Variants in KIF13A observed in about 807,000 individuals in gnomAD.
KIF13A encodes kinesin family member 13A.
KIF13A carries 79 observed loss-of-function variants against 212.2 expected under a neutral mutation model. That is an observed-to-expected ratio of 0.37 (90% CI 0.31 to 0.45). The LOEUF is 0.45. Among genes scored for constraint, KIF13A ranks in the 20% least tolerant of loss-of-function variants. KIF13A has a pLI of 1.00. For missense variants in KIF13A, 1,901 were observed against 2,209.0 expected (o/e 0.86, Z 2.79); for synonymous variants, 789 against 808.6 (o/e 0.98, Z 0.41).
At chr6:17,859,632 A>ATTTTTTTTTTTTT in intron 4 of KIF13A, among the ~76,000 whole-genome samples, 1 of 102,352 alleles carries the variant, frequency 9.8e-6, no homozygotes, top group Non-Finnish European at 1.9e-5. Context: ...ATATATATAT[A>ATTTTTTTTTTTTT]TATATATTTT....
intron 2 of KIF13A, among the ~76,000 whole-genome samples, chr6:17,979,282 G>A (rs1561833774): frequency 6.6e-6 from 1 of 152,026 alleles, no homozygotes; most frequent in East Asian, 1.9e-4. Flanking sequence ...GACAGAACGA[G>A]ACTCCATCTA....
rs1177509455 is a variant in KIF13A at position 17,982,460 on chromosome 6, T to TA, written c.146+4593dup. 5.1e-6 allele frequency: 5 copies of TA among 982,480 alleles called. No homozygotes were observed. Among genetic ancestry groups the TA allele is most frequent in the East Asian group, 1.1e-4 (1 of 8,794 alleles). The allele number at this position is 982,480 out of a possible 1,614,324, so 60.9% of individuals were successfully genotyped here. ...ACAGGGATACCGCTGGTGAATAAAC[T>TA]AAAAAATACATACAAAGTTTAGTAA... On this transcript the variant is annotated intron_variant, in intron 2 of 38. Coordinates refer to ENST00000259711, the MANE Select transcript of KIF13A (RefSeq NM_022113.6). The surrounding 1 kb of genome is among the most constrained non-coding windows in gnomAD (Gnocchi z 5.1).
At position 17,833,949 on chromosome 6, in the gene KIF13A, T is replaced by G. The variant is rs761085467; in HGVS notation, c.1266+12A>C. 5 of 1,424,348 alleles carry G rather than the reference T, an allele frequency of 3.5e-6. No individual in the cohort carries two copies. Among genetic ancestry groups the G allele is most frequent in the Non-Finnish European group, 4.8e-6 (5 of 1,043,800 alleles). 88.2% of individuals were successfully genotyped at this position (1,424,348 alleles called of 1,614,324 possible). On this transcript the variant is annotated intron_variant, in intron 12 of 38. Transcript: ENST00000259711. ...AGAATCCCAATATTTTAGGGCTAAA[T>G]TATCAAGCTACCTGTGCTATCTCTT...
intron 2 of KIF13A, among the ~76,000 whole-genome samples, chr6:17,964,935 G>A (rs189954818): frequency 5.9e-5 from 9 of 151,942 alleles, no homozygotes; most frequent in South Asian, 2.1e-4. Context: ...CGATTCTCCC[G>A]CCTCAGCCTC....
chr6:17,985,293 T>C (rs1003554669), intron 2 of KIF13A, among the ~76,000 whole-genome samples: 1 of 152,162 alleles, frequency 6.6e-6, no homozygotes, highest in Non-Finnish European at 1.5e-5. Flanking sequence ...TTCAAATCTT[T>C]ACCTAAAAGA....
chr6:17,901,748 C>G (rs1284783912), intron 2 of KIF13A, among the ~76,000 whole-genome samples: 1 of 152,152 alleles, frequency 6.6e-6, no homozygotes, highest in African/African-American at 2.4e-5. Context: ...GTGCCAAATT[C>G]ATCTTTTAAC....
intron 12 of KIF13A, among the ~76,000 whole-genome samples, chr6:17,831,958 C>G (rs960412182): frequency 5.9e-5 from 9 of 151,902 alleles, no homozygotes; most frequent in African/African-American, 2.2e-4. Flanking sequence ...TGGGAGGAGA[C>G]AGGCCATAAG....
chr6:17,968,896 C>T lies in KIF13A; in HGVS notation c.146+18158G>A, dbSNP rs978379288. On this transcript the variant is annotated intron_variant, in intron 2 of 38. Coordinates refer to ENST00000259711, the MANE Select transcript of KIF13A (RefSeq NM_022113.6). This position sits in a 1 kb window ranked among gnomAD's most constrained non-coding sequence, Gnocchi z 4.7. ...CCACCAGTGATGTGACAGACACAAC[C>T]TGAGGACTTTCTACCCACAGACTCA... is the stretch of plus-strand genomic sequence containing the variant. 2.6e-5 allele frequency among the ~76,000 whole-genome samples: 4 copies of T among 152,196 alleles called. No homozygotes were observed. Among genetic ancestry groups the T allele is most frequent in the South Asian group, 2.1e-4 (1 of 4,836 alleles).
chr6:17,805,483 C>T lies in KIF13A; in HGVS notation c.2296G>A (p.Val766Ile), dbSNP rs761661761. 4 of 1,613,110 alleles carry T rather than the reference C, an allele frequency of 2.5e-6. No homozygotes were observed. The South Asian group carries it at 3.3e-5, about 13-fold the overall frequency. ...CATTTTGTCTCTTTTACCTCAGGAA[C>T]TTTTTCCTTCCATTCTTGGTAAAGG... The part of the protein sequence containing the change: ...RDLYQEWKEK[V>I]PEAKRLYGKR... The change falls in exon 19 of 39, where the codon GTT becomes ATT. Residue 766 changes from valine (V) to isoleucine (I), a missense_variant. Coordinates refer to ENST00000259711, the MANE Select transcript of KIF13A (RefSeq NM_022113.6).
intron 16 of KIF13A, among the ~76,000 whole-genome samples, chr6:17,824,780 AC>A (rs763940587): frequency 0.046 from 3,867 of 83,264 alleles, 397 homozygotes; most frequent in African/African-American, 0.11. Flanking sequence ...AAAAAAAAAA[AC>A]AAAACACCAA....
intron 28 of KIF13A, among the ~76,000 whole-genome samples, chr6:17,784,538 A>C (rs1760884214): frequency 6.6e-6 from 1 of 152,212 alleles, no homozygotes; most frequent in African/African-American, 2.4e-5. Context: ...AAAAATAAAA[A>C]AAGAAGAGTC....
At position 17,764,561 on chromosome 6, in the gene KIF13A, T is replaced by A. The variant is rs1758773996; in HGVS notation, c.4967A>T (p.Glu1656Val). 4 of 1,613,982 alleles carry A rather than the reference T, an allele frequency of 2.5e-6. No homozygotes were observed. The South Asian group carries it at 3.3e-5, about 13-fold the overall frequency. The change falls in exon 39 of 39, where the codon GAA (glutamate) becomes GTA (valine). Residue 1656 changes from glutamate to valine, a missense_variant. This residue lies in a region of KIF13A where 687 missense variants were observed against 759.1 expected (regional missense o/e 0.90). Transcript: ENST00000259711. This position sits in a 1 kb window ranked among gnomAD's most constrained non-coding sequence, Gnocchi z 5.1. ...TATCTTGTCCTTTACCAAGCCTTTT[T>A]CGACTTCTGTCAACTCTTTGTTTGA... is the stretch of plus-strand genomic sequence containing the variant. Reference protein sequence around the residue: ...PSSNKELTEVEKGLVKDKIIV... With the variant: ...PSSNKELTEVVKGLVKDKIIV...
intron 3 of KIF13A, among the ~76,000 whole-genome samples, chr6:17,887,600 C>T (rs1771660810): frequency 1.3e-5 from 2 of 152,122 alleles, no homozygotes; most frequent in Non-Finnish European, 2.9e-5. Context: ...TTTTAAAACA[C>T]GATCTTCCTT....
At chr6:17,917,081 C>G (rs1008996212) in intron 2 of KIF13A, among the ~76,000 whole-genome samples, 1 of 151,894 alleles carries the variant, frequency 6.6e-6, no homozygotes, top group Non-Finnish European at 1.5e-5. Flanking sequence ...ATGGAGCTGC[C>G]ACTGGGCTTG....
chr6:17,806,225 G>C (rs1032854828), intron 18 of KIF13A, among the ~76,000 whole-genome samples: 45 of 152,206 alleles, frequency 3.0e-4, no homozygotes, highest in African/African-American at 1.0e-3. Flanking sequence ...GAGCCACCAG[G>C]CCCAGCCATA....
At chr6:17,858,155 T>C (rs1239014257) in intron 4 of KIF13A, among the ~76,000 whole-genome samples, 1 of 151,704 alleles carries the variant, frequency 6.6e-6, no homozygotes, top group African/African-American at 2.4e-5. Context: ...GAGAGAGATC[T>C]ACAAATGCTA....
At position 17,883,220 on chromosome 6, in the gene KIF13A, G is replaced by A. The variant is rs1771238646; in HGVS notation, c.160-9783C>T. On this transcript the variant is annotated intron_variant, in intron 3 of 38. Transcript: ENST00000259711. This position sits in a 1 kb window ranked among gnomAD's most constrained non-coding sequence, Gnocchi z 4.8. ...ACATTAGCCAGCTGCAGGGGCATGT[G>A]CCTATAGTCCCAGATACTCAGGAGG... Among the ~76,000 whole-genome samples, 1 of 152,112 alleles carries A rather than the reference G, an allele frequency of 6.6e-6. No homozygotes were observed. The highest frequency in any genetic ancestry group is 2.1e-4 in the South Asian group (1 of 4,824).
rs1329236328 is a variant in KIF13A, at chr6:17,772,253, T to A, written c.4325-194A>T. ...GGACACCAGTCTGTGAAAAAAAAAA[T>A]AAACAGATAGCCAGGCATGGTGGTG... On this transcript the variant is annotated intron_variant, in intron 36 of 38. Coordinates refer to ENST00000259711, the MANE Select transcript of KIF13A (RefSeq NM_022113.6). This position sits in a 1 kb window ranked among gnomAD's most constrained non-coding sequence, Gnocchi z 4.8. Among the ~76,000 whole-genome samples, 2 of 151,428 alleles carry A rather than the reference T, an allele frequency of 1.3e-5. No homozygotes were observed. The highest frequency in any genetic ancestry group is 4.9e-5 in the African/African-American group (2 of 41,154).
At chr6:17,821,885 G>T in intron 16 of KIF13A, 1 of 1,535,420 alleles carries the variant, frequency 6.5e-7, no homozygotes, top group Non-Finnish European at 8.7e-7. Context: ...CAGGCAGACA[G>T]GCTTATTATC....
Sources: gnomAD v4.1 joint callset for allele counts (sites outside exome capture counted in the v4.1 genomes callset) on GRCh38, gnomAD v4.1.1 for gene constraint, gnomAD v4.1.1 regional missense constraint, Gnocchi (gnomAD v3.1) non-coding constraint, MANE v1.5 for transcripts, NCBI Gene and HGNC (gene_info 2026-07-23, HGNC 2026-07-21) for gene names.